Variants in CD44 observed in about 807,000 individuals in gnomAD.
The protein encoded by CD44 is CD44 molecule (IN blood group).
A neutral mutation model predicts 88.8 loss-of-function variants in CD44; 49 were observed. The ratio of observed to expected loss-of-function variants is 0.55; its 90% CI spans 0.44 to 0.70. The LOEUF is 0.70. Ranked by LOEUF, CD44 falls within the 30% of genes least tolerant of loss-of-function variation. CD44 has a pLI of 0.00. For synonymous variants in CD44, 325 were observed against 312.3 expected (o/e 1.04, Z -0.43); for missense variants, 883 against 913.8 (o/e 0.97, Z 0.43).
chr11:35,154,790 C>G (rs80274946), intron 1 of CD44, among the ~76,000 whole-genome samples: 3 of 152,138 alleles, frequency 2.0e-5, no homozygotes, highest in Non-Finnish European at 4.4e-5. Flanking sequence ...TGGTATATCC[C>G]TATCTGTACA....
intron 4 of CD44, among the ~76,000 whole-genome samples, chr11:35,187,611 G>A (rs556340166): frequency 7.2e-5 from 11 of 152,236 alleles, no homozygotes; most frequent in Non-Finnish European, 1.5e-4. Flanking sequence ...TTAAATGTAA[G>A]AAAAATTAAA....
In CD44 at chr11:35,180,738, C is replaced by CA. The variant is rs905920669; in HGVS notation, c.367+339dup. On this transcript the variant is annotated intron_variant, in intron 3 of 17. Coordinates refer to ENST00000428726, the MANE Select transcript of CD44 (RefSeq NM_000610.4). ...AGCTAAAACACAAACAAAAATCACA[C>CA]AAAAAAAATCTCATAATGTTTTAAG... is the stretch of plus-strand genomic sequence containing the variant. Among the ~76,000 whole-genome samples the CA allele has an allele frequency of 1.1e-3, 170 of 151,972 alleles. 2 individuals are homozygous for CA. The highest frequency in any genetic ancestry group is 2.0e-3 in the African/African-American group (82 of 41,440).
rs112626877 is a variant in CD44, at chr11:35,218,977, G to C, written c.1874-339G>C. ...TGAAAAGGGAGACTTGGAGAAGGTA[G>C]ATTGACCCAGCACACATGGCTAGTT... On this transcript the variant is annotated intron_variant, in intron 15 of 17. Coordinates refer to ENST00000428726, the MANE Select transcript of CD44 (RefSeq NM_000610.4). 2.2e-3 allele frequency: 537 copies of C among 240,140 alleles called. 5 individuals carry two copies. Among genetic ancestry groups the C allele is most frequent in the African/African-American group, 0.011 (518 of 46,240 alleles). The allele number at this position is 240,140 out of a possible 1,614,324, so 14.9% of individuals were successfully genotyped here. A position where few individuals can be genotyped will look rare whatever the true frequency, so the allele number is the denominator to read the frequency against.
chr11:35,153,734 G>A (rs1941489830), intron 1 of CD44, among the ~76,000 whole-genome samples: 2 of 152,258 alleles, frequency 1.3e-5, no homozygotes, highest in South Asian at 4.1e-4. Flanking sequence ...AGAAGCACTG[G>A]ATCTTGTGAG....
intron 5 of CD44, 125 bp from the exon 6 acceptor site, chr11:35,196,621 T>G: frequency 9.4e-7 from 1 of 1,059,440 alleles, no homozygotes; most frequent in Non-Finnish European, 1.3e-6. Context: ...TCCCTTTCTT[T>G]TCACCATCTA....
chr11:35,175,109 GA>G (rs1216030250), intron 1 of CD44, among the ~76,000 whole-genome samples: 2 of 152,212 alleles, frequency 1.3e-5, no homozygotes, highest in Non-Finnish European at 2.9e-5. Flanking sequence ...ACCATTTGAG[GA>G]TGGAACATTC....
intron 1 of CD44, among the ~76,000 whole-genome samples, chr11:35,173,023 G>A (rs190370249): frequency 2.6e-5 from 4 of 152,340 alleles, no homozygotes; most frequent in Non-Finnish European, 4.4e-5. Flanking sequence ...AAACTCAAGG[G>A]ATTTTACTGA....
In CD44 at chr11:35,148,749, T is replaced by C. The variant is rs571330924; in HGVS notation, c.67+9379T>C. On this transcript the variant is annotated intron_variant, in intron 1 of 17. Coordinates refer to ENST00000428726, the MANE Select transcript of CD44 (RefSeq NM_000610.4). ...GGTCAGCACAGTTCCCCAATTATAG[T>C]GGGTGCTCAATAAACACTTGGATGG... Among the ~76,000 whole-genome samples, 28 of 152,332 alleles carry C rather than the reference T, an allele frequency of 1.8e-4. No homozygotes were observed. In the South Asian group the frequency reaches 5.6e-3, roughly 30 times the overall value.
At chr11:35,224,523 G>A (rs3794104) in intron 17 of CD44, among the ~76,000 whole-genome samples, 2 of 152,148 alleles carry the variant, frequency 1.3e-5, no homozygotes, top group Non-Finnish European at 2.9e-5. Flanking sequence ...GATTAGTTGA[G>A]CCTAGGAGTT....
chr11:35,144,780 C>T (rs776483738), intron 1 of CD44, among the ~76,000 whole-genome samples: 12 of 152,192 alleles, frequency 7.9e-5, no homozygotes, highest in Non-Finnish European at 1.8e-4. Context: ...ATATATTTTT[C>T]CACAAATAAA....
Position 35,165,168 on chromosome 11 carries a change from T to G in CD44, c.68-11407T>G, listed in dbSNP as rs371077867. Among the ~76,000 whole-genome samples, 24 of 152,298 alleles carry G rather than the reference T, an allele frequency of 1.6e-4. No homozygotes were observed. In the South Asian group the frequency reaches 5.0e-3, roughly 32 times the overall value. ...AGCCCCCATTAGCTCAGCTTGATTT[T>G]CAACCACTTGAAATACTGTGGTTGT... On this transcript the variant is annotated intron_variant, in intron 1 of 17. Coordinates refer to ENST00000428726, the MANE Select transcript of CD44 (RefSeq NM_000610.4).
Position 35,214,876 on chromosome 11 carries a change from G to T in CD44, c.1835G>T (p.Ser612Ile), listed in dbSNP as rs140969647. ...LSGDQDTFHP[S>I]GGSHTTHGSE... ...GGAGACCAAGACACATTCCACCCCAGTGGGGGGTCCCATACCACTCATGGA... is the reference window on the plus strand; with the variant it reads ...GGAGACCAAGACACATTCCACCCCATTGGGGGGTCCCATACCACTCATGGA... The change falls in exon 15 of 18, where the codon AGT (serine) becomes ATT (isoleucine). Residue 612 changes from serine (S) to isoleucine (I), a missense_variant. Transcript: ENST00000428726. 1.4e-5 allele frequency: 22 copies of T among 1,558,634 alleles called. No homozygotes were observed. The African/African-American group carries it at 3.0e-4, about 21-fold the overall frequency.
rs761842681 is a variant in CD44, at chr11:35,229,121, A to T, written c.2025-8A>T. ...CTTTCTGATATGGTACATTTTTTAA[A>T]TTATTAGGTGTGGGCAGAAGAAAAA... On this transcript the variant is annotated splice_region_variant and splice_polypyrimidine_tract_variant and intron_variant, in intron 17 of 17. Transcript: ENST00000428726. The T allele has an allele frequency of 6.2e-6, 10 of 1,607,748 alleles. No individual in the cohort carries two copies. Among genetic ancestry groups the T allele is most frequent in the Non-Finnish European group, 8.5e-6 (10 of 1,176,974 alleles).
chr11:35,179,161 G>A (rs941397018), intron 2 of CD44, among the ~76,000 whole-genome samples: 1 of 152,222 alleles, frequency 6.6e-6, no homozygotes, highest in Non-Finnish European at 1.5e-5. Flanking sequence ...GGAAACTTCA[G>A]ACTCACAGAC....
At chr11:35,173,116 A>G (rs908720417) in intron 1 of CD44, among the ~76,000 whole-genome samples, 1 of 152,252 alleles carries the variant, frequency 6.6e-6, no homozygotes, top group Non-Finnish European at 1.5e-5. Flanking sequence ...GTAATAAGAA[A>G]GAAACTACCA....
intron 1 of CD44, among the ~76,000 whole-genome samples, chr11:35,147,113 T>C (rs1375186924): frequency 6.6e-6 from 1 of 152,232 alleles, no homozygotes; most frequent in Admixed American, 6.5e-5. Flanking sequence ...TTGTTCATTA[T>C]CACTTCATTA....
intron 5 of CD44, 66 bp from the exon 6 acceptor site, chr11:35,196,680 T>A: frequency 1.3e-6 from 2 of 1,486,410 alleles, no homozygotes; most frequent in Non-Finnish European, 9.3e-7. Flanking sequence ...ACAAGCATAT[T>A]CAATGCTATT....
chr11:35,147,703 C>T (rs1590885450), intron 1 of CD44, among the ~76,000 whole-genome samples: 1 of 151,876 alleles, frequency 6.6e-6, no homozygotes, highest in Non-Finnish European at 1.5e-5. Context: ...AATCGTGGAA[C>T]TAGGCAGCAT....
At chr11:35,208,473 A>T (rs887347897) in intron 12 of CD44, among the ~76,000 whole-genome samples, 3 of 152,220 alleles carry the variant, frequency 2.0e-5, no homozygotes, top group Non-Finnish European at 4.4e-5. Flanking sequence ...TCATTCTCTA[A>T]GTAGTTATGT....
Sources: allele counts gnomAD v4.1 joint callset (sites outside exome capture counted in the v4.1 genomes callset), GRCh38; gene constraint gnomAD v4.1.1; transcripts MANE v1.5; gene names NCBI Gene and HGNC (gene_info 2026-07-23, HGNC 2026-07-21).